The following ITIH1 variants were observed in gnomAD, a reference collection of about 807,000 sequenced individuals.
ITIH1 encodes the protein inter-alpha-trypsin inhibitor heavy chain 1.
A neutral mutation model predicts 104.6 loss-of-function variants in ITIH1; 94 were observed. The ratio of observed to expected loss-of-function variants is 0.90; its 90% CI spans 0.76 to 1.07. ITIH1 has a LOEUF of 1.07. Ranked by LOEUF, ITIH1 falls within the 50% of genes least tolerant of loss-of-function variation. ITIH1 has a pLI of 0.00. For missense variants in ITIH1, 1,193 were observed against 1,181.4 expected (o/e 1.01, Z -0.14); for synonymous variants, 455 against 464.4 (o/e 0.98, Z 0.26).
chr3:52,780,792 G>A (rs1338115878), intron 6 of ITIH1, among the ~76,000 whole-genome samples: 1 of 152,218 alleles, frequency 6.6e-6, no homozygotes, highest in Non-Finnish European at 1.5e-5. Context: ...GGAAACATAA[G>A]TTTGGAAAGA....
chr3:52,777,855 G>C (rs1470347520), intron 1 of ITIH1, 123 bp downstream of exon 1: 5 of 1,351,480 alleles, frequency 3.7e-6, no homozygotes, highest in Non-Finnish European at 5.3e-6. Flanking sequence ...CTTCTGAGTG[G>C]AGAGGTGACC....
chr3:52,781,515 A>G (rs994656546), intron 6 of ITIH1, among the ~76,000 whole-genome samples: 1 of 151,990 alleles, frequency 6.6e-6, no homozygotes, highest in African/African-American at 2.4e-5. Context: ...CAAGCACATC[A>G]CCAACTCCAA....
chr3:52,782,322 T>C lies in ITIH1; in HGVS notation c.930+55T>C, dbSNP rs569108146. ...GCAGAAGCTTCCACAGCCCCATCAC[T>C]CACCACATGCCAGTTTTGCTGCCAG... On this transcript the variant is annotated intron_variant, in intron 8 of 21. Coordinates refer to ENST00000273283, the MANE Select transcript of ITIH1 (RefSeq NM_002215.4). 54 of 1,353,544 alleles carry C rather than the reference T, an allele frequency of 4.0e-5. No individual in the cohort carries two copies. In the East Asian group the frequency reaches 4.6e-4, roughly 11 times the overall value. The allele number at this position is 1,353,544 out of a possible 1,614,324, so 83.8% of individuals were successfully genotyped here.
Position 52,780,380 on chromosome 3 carries a change from A to G in ITIH1, c.685A>G (p.Lys229Glu), listed in dbSNP as rs751507094. Residue 229 changes from lysine to glutamate, a missense_variant and splice_region_variant, in exon 6 of 22, where the codon AAG becomes GAG. By Grantham distance (56) the Lys-to-Glu change is moderately conservative. Coordinates refer to ENST00000273283, the MANE Select transcript of ITIH1 (RefSeq NM_002215.4). ...QTIKKSFSGK[K>E]GHVLFRPTVS... ...TATCAAGAAGTCCTTCTCAGGAAAAAAGGTACATGGGATAGCAAGGGGGTG... is the reference window on the plus strand; with the variant it reads ...TATCAAGAAGTCCTTCTCAGGAAAAGAGGTACATGGGATAGCAAGGGGGTG... 30 of 1,610,722 alleles carry G rather than the reference A, an allele frequency of 1.9e-5. No homozygotes were observed. The African/African-American group carries it at 3.9e-4, about 21-fold the overall frequency.
rs567347328 is a variant in ITIH1, at chr3:52,789,677, T to C, written c.2144T>C (p.Ile715Thr). The part of the protein sequence containing the change: ...NTGFSVNGQL[I>T]GNKARSPGQH... ...GGCTTCTCAGTGAATGGACAGCTCA[T>C]TGGCAACAAGGCCAGGAGCCCTGGG... Residue 715 changes from isoleucine (I) to threonine (T), a missense_variant, in exon 19 of 22, where the codon ATT becomes ACT. Physicochemically the swap from Ile to Thr is moderately conservative, Grantham distance 89 (BLOSUM62 -1). Transcript: ENST00000273283. The C allele has an allele frequency of 1.9e-5, 31 of 1,614,168 alleles. No individual in the cohort carries two copies. In the East Asian group the frequency reaches 5.1e-4, roughly 27 times the overall value.
Position 52,780,366 on chromosome 3 carries a change from CCTT to C in ITIH1, c.674_676del (p.Phe225del), listed in dbSNP as rs769207134. The C allele has an allele frequency of 6.2e-7, 1 of 1,613,510 alleles. No homozygotes were observed. The highest frequency in any genetic ancestry group is 1.7e-5 in the Admixed American group (1 of 59,978). Reference sequence around the variant, plus strand: ...CTGGCAGCCCAAACTATCAAGAAGTCCTTCTCAGGAAAAAAGGTACATGGGATA... The same window carrying C: ...CTGGCAGCCCAAACTATCAAGAAGTCCTCAGGAAAAAAGGTACATGGGATA... On this transcript the variant is annotated inframe_deletion, in exon 6 of 22. Transcript: ENST00000273283.
intron 10 of ITIH1, 130 bp from the exon 11 acceptor site, chr3:52,784,166 G>A (rs1015225052): frequency 1.3e-6 from 1 of 774,668 alleles, no homozygotes; most frequent in African/African-American, 1.8e-5. Context: ...CGATGCCTCA[G>A]GATGCCCAGG....
At position 52,778,360 on chromosome 3, in the gene ITIH1, C is replaced by A. The variant is rs1336869088; in HGVS notation, c.159C>A (p.Ile53=). ...TTTAGGCTGTCGATGGCGTGTTCAT[C>A]CGGAGTTTGAAAGTCAACTGCAAAG... ...AVDTAVDGVF[I]RSLKVNCKVT... The change falls in exon 3 of 22, where the codon ATC becomes ATA. Residue 53 remains isoleucine, a synonymous_variant. Coordinates refer to ENST00000273283, the MANE Select transcript of ITIH1 (RefSeq NM_002215.4). 1.2e-6 allele frequency: 2 copies of A among 1,614,096 alleles called. No homozygotes were observed. Among genetic ancestry groups the A allele is most frequent in the Non-Finnish European group, 1.7e-6 (2 of 1,180,032 alleles).
intron 6 of ITIH1, among the ~76,000 whole-genome samples, chr3:52,781,280 CTTCTTCCTCTTCT>C (rs1699049784): frequency 7.2e-6 from 1 of 139,676 alleles, no homozygotes; most frequent in Admixed American, 7.6e-5. Context: ...TCTTCTTCTT[CTTCTTCCTCTTCT>C]TCTTCTTCTG....
At position 52,784,414 on chromosome 3, in the gene ITIH1, C is replaced by G; in HGVS notation, c.1344C>G (p.Ser448=). Reference sequence around the variant, plus strand: ...ACTTTAACTTTCTGGAGGTCATGTCCATGGAGAACAACGGACGGGCCCAGA... The same window carrying G: ...ACTTTAACTTTCTGGAGGTCATGTCGATGGAGAACAACGGACGGGCCCAGA... ...NVDFNFLEVM[S]MENNGRAQRI... The change falls in exon 11 of 22, where the codon TCC becomes TCG. Residue 448 remains serine, a synonymous_variant. Transcript: ENST00000273283. The G allele has an allele frequency of 6.2e-7, 1 of 1,614,162 alleles. No homozygotes were observed. The highest frequency in any genetic ancestry group is 1.3e-5 in the African/African-American group (1 of 75,048).
chr3:52,785,665 G>A (rs891950007), intron 12 of ITIH1, among the ~76,000 whole-genome samples: 1 of 152,214 alleles, frequency 6.6e-6, no homozygotes, highest in African/African-American at 2.4e-5. Context: ...TGCCCTCCAG[G>A]ACACAGACAA....
At chr3:52,788,546 G>A (rs936354489) in intron 18 of ITIH1, among the ~76,000 whole-genome samples, 4 of 151,138 alleles carry the variant, frequency 2.6e-5, no homozygotes, top group Non-Finnish European at 5.9e-5. Context: ...ATGTGACTGG[G>A]GTAGGCACAC....
intron 20 of ITIH1, 45 bp from the exon 21 acceptor site, chr3:52,791,472 C>A: frequency 6.6e-7 from 1 of 1,509,144 alleles, no homozygotes; most frequent in Non-Finnish European, 9.2e-7. Flanking sequence ...AGGGCAGGAG[C>A]AAGTCCCCGA....
At chr3:52,787,342 G>A (rs975701182) in intron 15 of ITIH1, 140 bp downstream of exon 15, 10 of 1,286,032 alleles carry the variant, frequency 7.8e-6, no homozygotes, top group African/African-American at 1.5e-5. Context: ...CCCCTGAGCC[G>A]CCCTTCTCCA....
rs1436291479 is a variant in ITIH1, at chr3:52,783,257, G to C, written c.1143G>C (p.Leu381Phe). 6.2e-7 allele frequency: 1 copy of C among 1,614,140 alleles called. No individual in the cohort carries two copies. The highest frequency in any genetic ancestry group is 1.7e-5 in the Admixed American group (1 of 60,016). Residue 381 changes from leucine (L) to phenylalanine (F), a missense_variant, in exon 10 of 22, where the codon TTG (leucine) becomes TTC (phenylalanine). Transcript: ENST00000273283. ...NGGLLRGIEILNQVQESLPEL... is the reference protein window; with the variant it reads ...NGGLLRGIEIFNQVQESLPEL... ...GTTTGCTCCGGGGAATTGAGATCTT[G>C]AACCAAGTTCAGGAAAGCCTCCCAG... is the stretch of plus-strand genomic sequence containing the variant.
At position 52,791,914 on chromosome 3, in the gene ITIH1, C is replaced by T; in HGVS notation, c.*3C>T. The T allele has an allele frequency of 6.2e-7, 1 of 1,610,044 alleles. No individual in the cohort carries two copies. Among genetic ancestry groups the T allele is most frequent in the Admixed American group, 1.7e-5 (1 of 59,626 alleles). The stretch of plus-strand genomic sequence containing the variant: ...ATATCGTCCCCGACATCTTCTGAGC[C>T]CTCTGGCCAGCACGCCTGTCCTCCC... On this transcript the variant is annotated 3_prime_UTR_variant, in exon 22 of 22. Transcript: ENST00000273283.
chr3:52,779,297 T>G lies in ITIH1; in HGVS notation c.411-135T>G. ...GACCCTGACCAGCCAGCTAACACAT[T>G]TGTGAGGTCCAGGGAAACCTGGGAG... On this transcript the variant is annotated intron_variant, in intron 4 of 21. Coordinates refer to ENST00000273283, the MANE Select transcript of ITIH1 (RefSeq NM_002215.4). The surrounding 1 kb of genome is among the most constrained non-coding windows in gnomAD (Gnocchi z 4.4). The G allele has an allele frequency of 1.0e-6, 1 of 997,842 alleles. No individual in the cohort carries two copies. The highest frequency in any genetic ancestry group is 1.5e-5 in the South Asian group (1 of 65,568). The allele number at this position is 997,842 out of a possible 1,614,324, so 61.8% of individuals were successfully genotyped here.
chr3:52,777,642 G>A lies in ITIH1; in HGVS notation c.27G>A (p.Gly9=), dbSNP rs1173896063. The change falls in exon 1 of 22, where the codon GGG becomes GGA. Residue 9 remains glycine, a synonymous_variant. Coordinates refer to ENST00000273283, the MANE Select transcript of ITIH1 (RefSeq NM_002215.4). ...TGGACGGTGCCATGGGGCCTCGGGGGCTGCTGTTGTGCATGTACCTGGTAT... is the reference window on the plus strand; with the variant it reads ...TGGACGGTGCCATGGGGCCTCGGGGACTGCTGTTGTGCATGTACCTGGTAT... MDGAMGPR[G]LLLCMYLVSL... 4 of 1,597,390 alleles carry A rather than the reference G, an allele frequency of 2.5e-6. No homozygotes were observed. Among genetic ancestry groups the A allele is most frequent in the African/African-American group, 1.3e-5 (1 of 74,328 alleles).
Position 52,789,709 on chromosome 3 carries a change from G to A in ITIH1, c.2176G>A (p.Asp726Asn). ...CAAGGCCAGGAGCCCTGGGCAGCATGACGGCACGTACTTCGGGCGGCTGGG... is the reference window on the plus strand; with the variant it reads ...CAAGGCCAGGAGCCCTGGGCAGCATAACGGCACGTACTTCGGGCGGCTGGG... ...GNKARSPGQHDGTYFGRLGIA... is the reference protein window; with the variant it reads ...GNKARSPGQHNGTYFGRLGIA... The change falls in exon 19 of 22, where the codon GAC becomes AAC. Residue 726 changes from aspartate to asparagine, a missense_variant. Coordinates refer to ENST00000273283, the MANE Select transcript of ITIH1 (RefSeq NM_002215.4). 6.2e-7 allele frequency: 1 copy of A among 1,614,220 alleles called. No individual in the cohort carries two copies. The highest frequency in any genetic ancestry group is 2.2e-5 in the East Asian group (1 of 44,882).
Sources: allele counts gnomAD v4.1 joint callset (sites outside exome capture counted in the v4.1 genomes callset), GRCh38; gene constraint gnomAD v4.1.1; non-coding constraint Gnocchi (gnomAD v3.1); transcripts MANE v1.5; gene names NCBI Gene and HGNC (gene_info 2026-07-23, HGNC 2026-07-21).